The following KIAA0825 variants were observed in gnomAD, a reference collection of about 807,000 sequenced individuals.
KIAA0825 encodes the protein uncharacterized protein KIAA0825.
Under a neutral mutation model 147.6 loss-of-function variants are expected in KIAA0825, and 119 were observed. That is an observed-to-expected ratio of 0.81 (90% CI 0.69 to 0.94). KIAA0825 has a LOEUF of 0.94. Ranked by LOEUF, KIAA0825 falls within the 40% of genes least tolerant of loss-of-function variation. The pLI is 0.00. For synonymous variants in KIAA0825, 470 were observed against 518.1 expected, an observed-to-expected ratio of 0.91 and a Z score of 1.26; for missense variants, 1,381 against 1,472.7, an observed-to-expected ratio of 0.94 and a Z score of 1.02.
intron 1 of KIAA0825, among the ~76,000 whole-genome samples, chr5:94,614,691 C>T (rs1011230998): frequency 6.6e-6 from 1 of 152,008 alleles, no homozygotes; most frequent in Non-Finnish European, 1.5e-5. Context: ...GGTCTTTCCT[C>T]ATCTGCCCTC....
At chr5:94,205,299 A>ATATATATATATATATATATT (rs1254935243) in intron 20 of KIAA0825, among the ~76,000 whole-genome samples, 13 of 137,888 alleles carry the variant, frequency 9.4e-5, no homozygotes, top group African/African-American at 3.6e-4. Context: ...ATATATATAT[A>ATATATATATATATATATATT]TTTTGTTTTG....
At chr5:94,199,384 G>A (rs2150018640) in intron 20 of KIAA0825, among the ~76,000 whole-genome samples, 1 of 152,262 alleles carries the variant, frequency 6.6e-6, no homozygotes, top group Non-Finnish European at 1.5e-5. Flanking sequence ...TTGTTCTCTG[G>A]TCCCTCAAGG....
chr5:94,513,288 G>T (rs1189388685), intron 5 of KIAA0825, among the ~76,000 whole-genome samples: 1 of 152,118 alleles, frequency 6.6e-6, no homozygotes, highest in Non-Finnish European at 1.5e-5. Context: ...ATCAAAAAAT[G>T]TTATTAAATG....
At chr5:94,321,032 GTTATGTAACT>G (rs1780134707) in intron 20 of KIAA0825, among the ~76,000 whole-genome samples, 1 of 152,018 alleles carries the variant, frequency 6.6e-6, no homozygotes, top group South Asian at 2.1e-4. Flanking sequence ...TTAAGAAGTA[GTTATGTAACT>G]TTTCCTAGTG....
intron 20 of KIAA0825, among the ~76,000 whole-genome samples, chr5:94,243,538 A>C (rs1775459847): frequency 6.6e-6 from 1 of 152,254 alleles, no homozygotes; most frequent in African/African-American, 2.4e-5. Context: ...CCATAAGTGT[A>C]GCTGTCATTA....
At position 94,153,010 on chromosome 5, in the gene KIAA0825, GATGA is replaced by G. The variant is rs1490384138; in HGVS notation, c.*993_*996del. 1 of 147,262 alleles carries G rather than the reference GATGA, an allele frequency of 6.8e-6. No individual in the cohort carries two copies. The highest frequency in any genetic ancestry group is 1.5e-5 in the Non-Finnish European group (1 of 66,934). The allele number at this position is 147,262 out of a possible 1,614,324, so 9.1% of individuals were successfully genotyped here. A position where few individuals can be genotyped will look rare whatever the true frequency, so the allele number is the denominator to read the frequency against. ...AATTGTGTTCGTTAACTGTCCACTT[GATGA>G]AATAACACTGTAGTAGGCATACAGG... On this transcript the variant is annotated 3_prime_UTR_variant, in exon 21 of 21. Transcript: ENST00000682413.
intron 20 of KIAA0825, among the ~76,000 whole-genome samples, chr5:94,305,812 T>C (rs1415060686): frequency 1.3e-5 from 2 of 151,930 alleles, no homozygotes; most frequent in Non-Finnish European, 2.9e-5. Context: ...AAGGTGATTA[T>C]GCAAGTTCCA....
intron 20 of KIAA0825, among the ~76,000 whole-genome samples, chr5:94,356,872 G>A (rs369127909): frequency 4.6e-5 from 7 of 151,186 alleles, no homozygotes; most frequent in South Asian, 4.2e-4. Context: ...CTACAGGTGC[G>A]CACCACCACA....
intron 1 of KIAA0825, among the ~76,000 whole-genome samples, chr5:94,612,255 T>C (rs1279056209): frequency 6.6e-6 from 1 of 152,152 alleles, no homozygotes; most frequent in East Asian, 1.9e-4. Flanking sequence ...AAATTCAAGA[T>C]TTGAAATTCA....
intron 20 of KIAA0825, among the ~76,000 whole-genome samples, chr5:94,170,179 G>T (rs1325453380): frequency 2.6e-5 from 4 of 152,072 alleles, no homozygotes; most frequent in Admixed American, 6.5e-5. Flanking sequence ...GGTGCCTGTA[G>T]TCCCAGCTAC....
intron 20 of KIAA0825, among the ~76,000 whole-genome samples, chr5:94,212,829 T>C (rs1250407979): frequency 1.3e-5 from 2 of 152,212 alleles, no homozygotes; most frequent in Non-Finnish European, 2.9e-5. Flanking sequence ...ATCTTGAGGC[T>C]GTCTGCTATG....
At chr5:94,564,357 A>G (rs1778164642) in intron 2 of KIAA0825, among the ~76,000 whole-genome samples, 1 of 150,800 alleles carries the variant, frequency 6.6e-6, no homozygotes, top group South Asian at 2.1e-4. Context: ...GACTACCGGC[A>G]TGAGCCACCA....
At chr5:94,410,826 T>C (rs1422477741) in intron 15 of KIAA0825, among the ~76,000 whole-genome samples, 3 of 151,956 alleles carry the variant, frequency 2.0e-5, no homozygotes, top group African/African-American at 4.8e-5. Flanking sequence ...AATAAATTAA[T>C]GCCAGAGATT....
At chr5:94,528,370 G>C (rs1055430409) in intron 3 of KIAA0825, among the ~76,000 whole-genome samples, 5 of 152,120 alleles carry the variant, frequency 3.3e-5, no homozygotes, top group African/African-American at 1.2e-4. Flanking sequence ...TTGATTTGTT[G>C]TTATATACCA....
intron 2 of KIAA0825, among the ~76,000 whole-genome samples, chr5:94,546,642 C>G (rs183907650): frequency 2.0e-3 from 300 of 151,992 alleles, no homozygotes; most frequent in African/African-American, 5.9e-3. Context: ...CAAGGTGGTA[C>G]CTCTATAAGA....
chr5:94,418,745 G>T (rs1055387764), intron 14 of KIAA0825, among the ~76,000 whole-genome samples: 4 of 152,150 alleles, frequency 2.6e-5, no homozygotes, highest in African/African-American at 7.2e-5. Context: ...ACTTGACTAA[G>T]AATGAATCTG....
At chr5:94,413,416 T>C (rs1753027804) in intron 15 of KIAA0825, 1 of 152,034 alleles carries the variant, frequency 6.6e-6, no homozygotes, top group Admixed American at 6.6e-5. Context: ...AACTGGTAAG[T>C]GGATAAAAAA....
chr5:94,476,717 G>C (rs576847494), intron 7 of KIAA0825, among the ~76,000 whole-genome samples: 1 of 152,130 alleles, frequency 6.6e-6, no homozygotes, highest in Non-Finnish European at 1.5e-5. Flanking sequence ...GTGGTAACAG[G>C]TTTTGGGACC....
intron 5 of KIAA0825, among the ~76,000 whole-genome samples, chr5:94,509,613 A>G (rs1292341036): frequency 6.6e-6 from 1 of 152,246 alleles, no homozygotes; most frequent in African/African-American, 2.4e-5. Context: ...CTTGAACTCA[A>G]TAAAGACAAC....
Sources: gnomAD v4.1 joint callset for allele counts (sites outside exome capture counted in the v4.1 genomes callset) on GRCh38, gnomAD v4.1.1 for gene constraint, MANE v1.5 for transcripts, NCBI Gene and HGNC (gene_info 2026-07-23, HGNC 2026-07-21) for gene names.